The following DENND1B variants were observed in gnomAD, a reference collection of about 807,000 sequenced individuals.
The protein encoded by DENND1B is DENN domain-containing protein 1B.
In DENND1B, 59 loss-of-function variants were observed where a neutral mutation model predicts 90.1. That is an observed-to-expected ratio of 0.65 (90% confidence interval 0.53 to 0.81). The LOEUF (loss-of-function observed/expected upper bound fraction) is 0.81, where lower values mean the gene tolerates loss of function less well. Among genes scored for constraint, DENND1B ranks in the 40% least tolerant of loss-of-function variants. The pLI, the probability that DENND1B is intolerant of heterozygous loss-of-function variation, is 0.00. For synonymous variants in DENND1B, 337 were observed against 324.6 expected (o/e 1.04, Z -0.41); for missense variants, 862 against 912.6 (o/e 0.94, Z 0.71).
intron 10 of DENND1B, among the ~76,000 whole-genome samples, chr1:197,623,095 G>C (rs990439070): frequency 6.6e-6 from 1 of 151,222 alleles, no homozygotes; most frequent in African/African-American, 2.4e-5. Flanking sequence ...TTCTTTTGTA[G>C]AAATCCTACA....
chr1:197,766,235 A>G (rs1655683991), intron 2 of DENND1B, among the ~76,000 whole-genome samples: 1 of 152,198 alleles, frequency 6.6e-6, no homozygotes, highest in Non-Finnish European at 1.5e-5. Flanking sequence ...ATGCCTGGTC[A>G]CAGTTTCATT....
intron 13 of DENND1B, chr1:197,606,391 T>C (rs1676686355): frequency 6.6e-6 from 1 of 151,212 alleles, no homozygotes; most frequent in Non-Finnish European, 1.5e-5. Context: ...TATGACAAAC[T>C]GGGTTTGCAG....
chr1:197,596,755 G>T (rs1294834523), intron 13 of DENND1B, among the ~76,000 whole-genome samples: 1 of 151,782 alleles, frequency 6.6e-6, no homozygotes, highest in African/African-American at 2.4e-5. Flanking sequence ...GACTTTGCTT[G>T]TATATGATTG....
At chr1:197,736,333 CCTGT>C (rs1413023242) in intron 2 of DENND1B, among the ~76,000 whole-genome samples, 1 of 151,996 alleles carries the variant, frequency 6.6e-6, no homozygotes, top group Non-Finnish European at 1.5e-5. Context: ...ATTCTTTCTA[CCTGT>C]CTGTCTGTCT....
chr1:197,670,972 C>G (rs1485367693), intron 5 of DENND1B, among the ~76,000 whole-genome samples: 2 of 152,104 alleles, frequency 1.3e-5, no homozygotes, highest in Non-Finnish European at 2.9e-5. Flanking sequence ...TCTATAACTT[C>G]TAAAGCAGTT....
At chr1:197,593,500 C>T (rs1015446380) in intron 14 of DENND1B, among the ~76,000 whole-genome samples, 1 of 151,548 alleles carries the variant, frequency 6.6e-6, no homozygotes, top group Non-Finnish European at 1.5e-5. Context: ...AAACATTTTT[C>T]ACAGATAGTA....
chr1:197,752,416 A>G (rs553331562), intron 2 of DENND1B, among the ~76,000 whole-genome samples: 7 of 152,048 alleles, frequency 4.6e-5, no homozygotes, highest in Non-Finnish European at 7.3e-5. Flanking sequence ...TTCCCACAAG[A>G]AACATTTGGG....
intron 2 of DENND1B, among the ~76,000 whole-genome samples, chr1:197,771,358 T>C (rs1396958101): frequency 6.6e-6 from 1 of 152,244 alleles, no homozygotes; most frequent in Non-Finnish European, 1.5e-5. Flanking sequence ...GAGTATCCAT[T>C]CTACCTAATA....
intron 5 of DENND1B, among the ~76,000 whole-genome samples, chr1:197,661,307 C>T (rs1339428006): frequency 1.3e-5 from 2 of 151,960 alleles, no homozygotes; most frequent in Admixed American, 1.3e-4. Flanking sequence ...TTCACTATAA[C>T]TCAAAGAAAT....
chr1:197,559,832 G>A (rs1431503352), intron 15 of DENND1B, among the ~76,000 whole-genome samples: 1 of 151,940 alleles, frequency 6.6e-6, no homozygotes, highest in Non-Finnish European at 1.5e-5. Context: ...GATATTTATA[G>A]ACACCTGCTA....
chr1:197,716,328 T>C (rs1359321820), intron 2 of DENND1B, among the ~76,000 whole-genome samples: 1 of 151,658 alleles, frequency 6.6e-6, no homozygotes, highest in East Asian at 1.9e-4. Flanking sequence ...ACTAAAAAGT[T>C]TCCATATAAA....
intron 14 of DENND1B, among the ~76,000 whole-genome samples, chr1:197,583,852 C>G (rs376370086): frequency 6.6e-6 from 1 of 152,132 alleles, no homozygotes; most frequent in African/African-American, 2.4e-5. Flanking sequence ...CTCCTCCAAA[C>G]CAGCAAGGAC....
At chr1:197,647,540 C>A (rs910740369) in intron 7 of DENND1B, among the ~76,000 whole-genome samples, 7 of 152,120 alleles carry the variant, frequency 4.6e-5, no homozygotes, top group Admixed American at 3.3e-4. Flanking sequence ...AAATTTGTCA[C>A]TTATTTAACA....
intron 2 of DENND1B, among the ~76,000 whole-genome samples, chr1:197,749,268 T>C (rs968229314): frequency 1.3e-5 from 2 of 152,072 alleles, no homozygotes; most frequent in East Asian, 3.8e-4. Flanking sequence ...AATATGTATG[T>C]ACATATATAT....
At chr1:197,656,317 A>C (rs1653821201) in intron 6 of DENND1B, among the ~76,000 whole-genome samples, 1 of 152,126 alleles carries the variant, frequency 6.6e-6, no homozygotes, top group South Asian at 2.1e-4. Context: ...AAGAAAAGAC[A>C]ATGTCAGGAA....
chr1:197,667,761 A>G (rs187138410), intron 5 of DENND1B, among the ~76,000 whole-genome samples: 10 of 152,296 alleles, frequency 6.6e-5, no homozygotes, highest in Admixed American at 6.5e-4. Context: ...GAGTGCCTAT[A>G]CTAAAACATA....
intron 14 of DENND1B, among the ~76,000 whole-genome samples, chr1:197,588,620 A>G (rs1674919472): frequency 6.6e-6 from 1 of 152,184 alleles, no homozygotes; most frequent in African/African-American, 2.4e-5. Flanking sequence ...ATTGATGGCT[A>G]TTTTAAATTT....
At chr1:197,692,763 CA>C (rs1658037783) in intron 3 of DENND1B, among the ~76,000 whole-genome samples, 1 of 151,678 alleles carries the variant, frequency 6.6e-6, no homozygotes, top group South Asian at 2.1e-4. Context: ...GTATGATTAT[CA>C]AATTATATTT....
In DENND1B at chr1:197,725,995, T is replaced by C. The variant is rs190541004; in HGVS notation, c.83-10921A>G. Among the ~76,000 whole-genome samples the C allele has an allele frequency of 3.6e-3, 554 of 151,836 alleles. 1 individual carries two copies. Among genetic ancestry groups the C allele is most frequent in the South Asian group, 0.017 (80 of 4,820 alleles). Reference sequence around the variant, plus strand: ...TATATGAATGACTCAGATATATATATATACATATACACACACACACACATA... The same window carrying C: ...TATATGAATGACTCAGATATATATACATACATATACACACACACACACATA... On this transcript the variant is annotated intron_variant, in intron 2 of 22. Coordinates refer to ENST00000620048, the MANE Select transcript of DENND1B (RefSeq NM_001195215.2).
Sources: allele counts gnomAD v4.1 joint callset (sites outside exome capture counted in the v4.1 genomes callset), GRCh38; gene constraint gnomAD v4.1.1; transcripts MANE v1.5; gene names NCBI Gene and HGNC (gene_info 2026-07-23, HGNC 2026-07-21).